ZC3H7B: variants seen among roughly 807,000 people sequenced by gnomAD.
ZC3H7B encodes zinc finger CCCH domain-containing protein 7B.
In ZC3H7B, 35 loss-of-function variants were observed where a neutral mutation model predicts 116.0. The ratio of observed to expected loss-of-function variants is 0.30; its 90% CI spans 0.23 to 0.40. The LOEUF (loss-of-function observed/expected upper bound fraction) is 0.40, where lower values mean the gene tolerates loss of function less well. Ranked by LOEUF, ZC3H7B falls within the 10% of genes least tolerant of loss-of-function variation. The pLI, the probability that ZC3H7B is intolerant of heterozygous loss-of-function variation, is 1.00. For synonymous variants in ZC3H7B, 502 were observed against 545.6 expected (o/e 0.92, Z 1.11); for missense variants, 1,011 against 1,321.5 (o/e 0.77, Z 3.64).
intron 10 of ZC3H7B, 51 bp downstream of exon 10, chr22:41,340,188 C>A: frequency 6.6e-7 from 1 of 1,521,296 alleles, no homozygotes; most frequent in Admixed American, 2.0e-5. Flanking sequence ...TTGCACAGTG[C>A]TGTGGCCTCT....
In ZC3H7B at chr22:41,360,077, T is replaced by G. The variant is rs1209898762; in HGVS notation, c.*2648T>G. On this transcript the variant is annotated 3_prime_UTR_variant, in exon 23 of 23. Transcript: ENST00000352645. ...GATGTTTTAATAACAATTTTTGTCC[T>G]TCTTAAAATAAAATGAAAGAAACTT... 2 of 152,482 alleles carry G rather than the reference T, an allele frequency of 1.3e-5. No homozygotes were observed. The highest frequency in any genetic ancestry group is 2.9e-5 in the Non-Finnish European group (2 of 68,048). 9.4% of individuals were successfully genotyped at this position (152,482 alleles called of 1,614,324 possible). A position where few individuals can be genotyped will look rare whatever the true frequency, so the allele number is the denominator to read the frequency against.
At chr22:41,321,307 CTGGG>C (rs533434325) in intron 2 of ZC3H7B, among the ~76,000 whole-genome samples, 284 of 151,666 alleles carry the variant, frequency 1.9e-3, no homozygotes, top group African/African-American at 6.5e-3. Flanking sequence ...CTTCTGCCTC[CTGGG>C]TTCAAGCGAT....
chr22:41,304,009 G>A (rs1042386104), intron 1 of ZC3H7B, among the ~76,000 whole-genome samples: 7 of 152,060 alleles, frequency 4.6e-5, no homozygotes, highest in Admixed American at 2.0e-4. Context: ...CAGCCACTTC[G>A]GCCTCCCAAA....
intron 2 of ZC3H7B, among the ~76,000 whole-genome samples, chr22:41,324,866 T>G (rs950246569): frequency 6.6e-6 from 1 of 152,188 alleles, no homozygotes; most frequent in Admixed American, 6.5e-5. Flanking sequence ...GTTAATTCCC[T>G]GACAACACTC....
chr22:41,345,412 C>G (rs955689763), intron 13 of ZC3H7B, among the ~76,000 whole-genome samples: 1 of 151,992 alleles, frequency 6.6e-6, no homozygotes, highest in African/African-American at 2.4e-5. Flanking sequence ...ATGGAGAAAC[C>G]CTGTCTTTAC....
chr22:41,312,501 G>T (rs2036131680), intron 1 of ZC3H7B, among the ~76,000 whole-genome samples: 1 of 150,748 alleles, frequency 6.6e-6, no homozygotes, highest in South Asian at 2.1e-4. Context: ...ACTTGGGGAG[G>T]ATTACTTTAG....
rs1159350254 is a variant in ZC3H7B, at chr22:41,327,495, T to A, written c.444+131T>A. On this transcript the variant is annotated intron_variant, in intron 5 of 22. Coordinates refer to ENST00000352645, the MANE Select transcript of ZC3H7B (RefSeq NM_017590.6). The surrounding 1 kb of genome is among the most constrained non-coding windows in gnomAD (Gnocchi z 4.5). Reference sequence around the variant, plus strand: ...CTCCCCTGTGACATGGCCATGCAGATCCTGATGTTAACACTAGCTCCCATT... The same window carrying A: ...CTCCCCTGTGACATGGCCATGCAGAACCTGATGTTAACACTAGCTCCCATT... 1 of 1,250,208 alleles carries A rather than the reference T, an allele frequency of 8.0e-7. No individual in the cohort carries two copies. 77.4% of individuals were successfully genotyped at this position (1,250,208 alleles called of 1,614,324 possible).
Position 41,349,171 on chromosome 22 carries a change from C to T in ZC3H7B, c.1818C>T (p.Arg606=). 6.2e-7 allele frequency: 1 copy of T among 1,613,874 alleles called. No individual in the cohort carries two copies. Among genetic ancestry groups the T allele is most frequent in the Admixed American group, 1.7e-5 (1 of 60,028 alleles). ...CCTCCCTCAAGTACTCCAAGATCCG[C>T]CAGTTCCAGGAGCACTTCCAGTTCG... is the stretch of plus-strand genomic sequence containing the variant. ...RSTSLKYSKI[R]QFQEHFQFDV... Residue 606 remains arginine, a synonymous_variant, in exon 16 of 23, where the codon CGC becomes CGT. Coordinates refer to ENST00000352645, the MANE Select transcript of ZC3H7B (RefSeq NM_017590.6). This position sits in a 1 kb window ranked among gnomAD's most constrained non-coding sequence, Gnocchi z 4.9.
At chr22:41,304,598 C>T (rs1013068381) in intron 1 of ZC3H7B, among the ~76,000 whole-genome samples, 1 of 152,160 alleles carries the variant, frequency 6.6e-6, no homozygotes, top group African/African-American at 2.4e-5. Context: ...GGAGAGAAGA[C>T]AGCTCAAGGC....
At chr22:41,350,151 G>A (rs1164506853) in intron 16 of ZC3H7B, among the ~76,000 whole-genome samples, 1 of 152,132 alleles carries the variant, frequency 6.6e-6, no homozygotes, top group Non-Finnish European at 1.5e-5. Context: ...AGGGAAGGGC[G>A]GGGAGTGCAT....
chr22:41,307,922 T>C (rs1027644239), intron 1 of ZC3H7B, among the ~76,000 whole-genome samples: 8 of 152,322 alleles, frequency 5.3e-5, no homozygotes, highest in Admixed American at 5.2e-4. Context: ...GAAGCTCTTT[T>C]CTTATCAATC....
Position 41,339,149 on chromosome 22 carries a change from G to A in ZC3H7B, c.774G>A (p.Gly258=). The A allele has an allele frequency of 2.5e-6, 4 of 1,612,978 alleles. 1 individual carries two copies. The Middle Eastern group carries it at 5.0e-4, about 200-fold the overall frequency. Residue 258 remains glycine (G), a synonymous_variant, in exon 9 of 23, where the codon GGG becomes GGA. Transcript: ENST00000352645. ...STDSLDDFSD[G]DVFGPELDTL... Reference sequence around the variant, plus strand: ...ACAGCCTGGATGACTTCTCAGACGGGGATGTCTTTGGCCCAGAGCTGGACA... The same window carrying A: ...ACAGCCTGGATGACTTCTCAGACGGAGATGTCTTTGGCCCAGAGCTGGACA...
chr22:41,316,382 G>A (rs1315925297), intron 1 of ZC3H7B, among the ~76,000 whole-genome samples: 2 of 147,328 alleles, frequency 1.4e-5, no homozygotes, highest in Admixed American at 6.9e-5. Flanking sequence ...TGCAACCTCC[G>A]CCTCCCAGGT....
intron 1 of ZC3H7B, among the ~76,000 whole-genome samples, chr22:41,306,909 C>T (rs951152199): frequency 6.6e-5 from 10 of 151,498 alleles, no homozygotes; most frequent in African/African-American, 4.8e-5. Context: ...GCTGGAGGCT[C>T]AGCCTGGGCT....
chr22:41,357,220 T>C lies in ZC3H7B; in HGVS notation c.2725T>C (p.Cys909Arg), dbSNP rs950263574. ...KACPDGDKCR[C>R]AHGQEELNEW... Reference sequence around the variant, plus strand: ...CTGCCCAGATGGGGACAAGTGCCGCTGCGCCCATGGACAGGAGGAGCTCAA... The same window carrying C: ...CTGCCCAGATGGGGACAAGTGCCGCCGCGCCCATGGACAGGAGGAGCTCAA... The change falls in exon 23 of 23, where the codon TGC becomes CGC. Residue 909 changes from cysteine to arginine, a missense_variant. By Grantham distance (180) the Cys-to-Arg change is radical. Coordinates refer to ENST00000352645, the MANE Select transcript of ZC3H7B (RefSeq NM_017590.6). This position sits in a 1 kb window ranked among gnomAD's most constrained non-coding sequence, Gnocchi z 5.4. 16 of 1,613,626 alleles carry C rather than the reference T, an allele frequency of 9.9e-6. No individual in the cohort carries two copies. Among genetic ancestry groups the C allele is most frequent in the African/African-American group, 1.3e-5 (1 of 75,038 alleles).
chr22:41,308,902 GCTAGGTAGGTGC>G (rs2036081482), intron 1 of ZC3H7B, among the ~76,000 whole-genome samples: 1 of 151,804 alleles, frequency 6.6e-6, no homozygotes, highest in African/African-American at 2.4e-5. Context: ...CCTGTCCCCT[GCTAGGTAGGTGC>G]CCTCTTACCC....
intron 1 of ZC3H7B, among the ~76,000 whole-genome samples, chr22:41,306,074 AAAG>A (rs1419210745): frequency 4.5e-4 from 69 of 152,304 alleles, no homozygotes; most frequent in African/African-American, 1.6e-3. Flanking sequence ...AGGGATGTAT[AAAG>A]AAGAACAGGT....
intron 14 of ZC3H7B, among the ~76,000 whole-genome samples, chr22:41,347,209 T>C (rs2145936696): frequency 6.6e-6 from 1 of 152,294 alleles, no homozygotes; most frequent in East Asian, 1.9e-4. Flanking sequence ...ACAGGCAGAT[T>C]GAGGGCCTGT....
intron 6 of ZC3H7B, among the ~76,000 whole-genome samples, chr22:41,331,839 G>A (rs1601779164): frequency 6.6e-6 from 1 of 152,180 alleles, no homozygotes; most frequent in East Asian, 1.9e-4. Context: ...TCCAGCCTAG[G>A]GGACAAAGTG....
Sources: allele counts gnomAD v4.1 joint callset (sites outside exome capture counted in the v4.1 genomes callset), GRCh38; gene constraint gnomAD v4.1.1; non-coding constraint Gnocchi (gnomAD v3.1); transcripts MANE v1.5; gene names NCBI Gene and HGNC (gene_info 2026-07-23, HGNC 2026-07-21).